Variants in TENM2 observed in about 807,000 individuals in gnomAD.
TENM2 encodes the protein teneurin-2.
A neutral mutation model predicts 245.2 loss-of-function variants in TENM2; 52 were observed. That is an observed-to-expected ratio of 0.21 (90% CI 0.17 to 0.27). The LOEUF (loss-of-function observed/expected upper bound fraction) is 0.27. Ranked by LOEUF, TENM2 falls within the 10% of genes least tolerant of loss-of-function variation. The pLI, the probability that TENM2 is intolerant of heterozygous loss-of-function variation, is 1.00. For synonymous variants in TENM2, 1,363 were observed against 1,438.9 expected, an observed-to-expected ratio of 0.95 and a Z score of 1.19; for missense variants, 3,046 against 3,666.8, an observed-to-expected ratio of 0.83 and a Z score of 4.37.
rs542720066 is a variant in TENM2, at chr5:167,549,258, T to A, written c.502+173785T>A. On this transcript the variant is annotated intron_variant, in intron 2 of 28. Transcript: ENST00000518659. ...TTTATTTTATGTGAAAGGCCTTTTT[T>A]TCCCTCTTGGTCACTCCTGTACTGT... Among the ~76,000 whole-genome samples, 4 of 152,290 alleles carry A rather than the reference T, an allele frequency of 2.6e-5. No individual in the cohort carries two copies. The South Asian group carries it at 8.3e-4, about 32-fold the overall frequency.
At chr5:167,954,254 A>T (rs113223793) in intron 4 of TENM2, among the ~76,000 whole-genome samples, 208 of 152,278 alleles carry the variant, frequency 1.4e-3, no homozygotes, top group African/African-American at 4.7e-3. Flanking sequence ...AACAAAGTAA[A>T]CGTTATAACA....
chr5:167,333,537 A>C (rs1438611739), intron 1 of TENM2, among the ~76,000 whole-genome samples: 1 of 152,212 alleles, frequency 6.6e-6, no homozygotes, highest in South Asian at 2.1e-4. Flanking sequence ...AAGTCATTAA[A>C]AGAAATTATA....
chr5:167,902,179 G>T (rs944994634), intron 3 of TENM2, among the ~76,000 whole-genome samples: 1 of 152,106 alleles, frequency 6.6e-6, no homozygotes, highest in African/African-American at 2.4e-5. Context: ...GGGGAGTGGG[G>T]TGGGGTGCAT....
intron 4 of TENM2, among the ~76,000 whole-genome samples, chr5:167,986,620 C>T (rs1163746969): frequency 6.6e-6 from 1 of 152,150 alleles, no homozygotes; most frequent in African/African-American, 2.4e-5. Flanking sequence ...CACAAGTGGC[C>T]AATTCTGAGA....
intron 2 of TENM2, among the ~76,000 whole-genome samples, chr5:167,625,584 A>G (rs571124658): frequency 2.0e-5 from 3 of 152,338 alleles, no homozygotes; most frequent in South Asian, 2.1e-4. Context: ...AAAAACCACT[A>G]TAAGTTAGAT....
At chr5:167,164,137 C>T in the TENM2 span, among the ~76,000 whole-genome samples, 1 of 152,168 alleles carries the variant, frequency 6.6e-6, no homozygotes, top group African/African-American at 2.4e-5. Flanking sequence ...TCTCTCATCT[C>T]AGTTTTCAAT....
the TENM2 span, among the ~76,000 whole-genome samples, chr5:167,071,120 G>T: frequency 1.3e-5 from 2 of 151,988 alleles, no homozygotes; most frequent in Non-Finnish European, 2.9e-5. Flanking sequence ...TATTTGTCAG[G>T]CATAATTATT....
chr5:167,710,748 A>C (rs1026951320), intron 2 of TENM2, among the ~76,000 whole-genome samples: 11 of 152,152 alleles, frequency 7.2e-5, no homozygotes, highest in African/African-American at 2.7e-4. Flanking sequence ...AACCACTGAA[A>C]GGTTTTAAGC....
chr5:167,398,794 T>C (rs1246475307), intron 2 of TENM2, among the ~76,000 whole-genome samples: 3 of 152,144 alleles, frequency 2.0e-5, no homozygotes, highest in Non-Finnish European at 4.4e-5. Context: ...TGAGATGGGC[T>C]AGTATATTAA....
intron 5 of TENM2, among the ~76,000 whole-genome samples, chr5:168,035,620 A>G (rs1467431525): frequency 2.0e-5 from 3 of 152,222 alleles, no homozygotes; most frequent in Non-Finnish European, 4.4e-5. Flanking sequence ...ACATTTCAGA[A>G]GAGACCCAAC....
intron 2 of TENM2, among the ~76,000 whole-genome samples, chr5:167,450,387 T>TCCA (rs1765504069): frequency 1.3e-5 from 2 of 152,182 alleles, no homozygotes; most frequent in South Asian, 4.1e-4. Flanking sequence ...AGAACATATT[T>TCCA]GTTTGTCTGT....
rs1554163338 is a variant in TENM2 at position 167,478,990 on chromosome 5, A to ATATGTG, written c.502+103518_502+103519insATGTGT. 0.014 allele frequency among the ~76,000 whole-genome samples: 2,061 copies of ATATGTG among 151,358 alleles called. 113 individuals carry two copies. In the East Asian group the frequency reaches 0.2, roughly 15 times the overall value. ...GATTGCATATGACTACTTTATATAT[A>ATATGTG]TGTGTGTGTGTGTGTATACAGGTAC... On this transcript the variant is annotated intron_variant, in intron 2 of 28. Transcript: ENST00000518659.
chr5:168,071,197 C>G (rs115874487), intron 7 of TENM2, among the ~76,000 whole-genome samples: 28 of 152,242 alleles, frequency 1.8e-4, no homozygotes, highest in African/African-American at 6.3e-4. Flanking sequence ...ATTATGTGCT[C>G]AGAGCAATCA....
At chr5:167,855,969 G>A (rs1427454611) in intron 2 of TENM2, among the ~76,000 whole-genome samples, 1 of 151,620 alleles carries the variant, frequency 6.6e-6, no homozygotes, top group Non-Finnish European at 1.5e-5. Context: ...AGGGAAGGGA[G>A]GGAAGAAGGG....
chr5:167,778,409 G>A (rs920788345), intron 2 of TENM2, among the ~76,000 whole-genome samples: 1 of 152,164 alleles, frequency 6.6e-6, no homozygotes, highest in African/African-American at 2.4e-5. Context: ...ACAGAGTGTT[G>A]AACAGGACAA....
chr5:167,987,479 C>T (rs956765504), intron 4 of TENM2, among the ~76,000 whole-genome samples: 1 of 151,974 alleles, frequency 6.6e-6, no homozygotes, highest in Non-Finnish European at 1.5e-5. Flanking sequence ...AGGTGCCCAC[C>T]ACCACACCTG....
At chr5:167,370,038 T>C (rs1224025817) in intron 1 of TENM2, among the ~76,000 whole-genome samples, 1 of 151,998 alleles carries the variant, frequency 6.6e-6, no homozygotes, top group African/African-American at 2.4e-5. Flanking sequence ...TGTTGCAAAA[T>C]TTCTCTCTAA....
chr5:167,521,291 C>T (rs577559209), intron 2 of TENM2, among the ~76,000 whole-genome samples: 2 of 152,264 alleles, frequency 1.3e-5, no homozygotes, highest in South Asian at 2.1e-4. Flanking sequence ...TATATCACTA[C>T]TCAAATATTC....
At chr5:167,870,618 TG>T (rs1362518629) in intron 2 of TENM2, among the ~76,000 whole-genome samples, 1 of 147,220 alleles carries the variant, frequency 6.8e-6, no homozygotes, top group Non-Finnish European at 1.5e-5. Context: ...TGTATATATA[TG>T]TATATATATA....
Sources: gnomAD v4.1 joint callset for allele counts (sites outside exome capture counted in the v4.1 genomes callset) on GRCh38, gnomAD v4.1.1 for gene constraint, MANE v1.5 for transcripts, NCBI Gene and HGNC (gene_info 2026-07-23, HGNC 2026-07-21) for gene names.